CCDC192: variants seen among roughly 807,000 people sequenced by gnomAD.
CCDC192 encodes the protein coiled-coil domain containing 192, also known as coiled-coil domain-containing protein 192.
chr5:127,876,227 A>G (rs562732467), intron 6 of CCDC192, among the ~76,000 whole-genome samples: 11 of 138,470 alleles, frequency 7.9e-5, no homozygotes, highest in Non-Finnish European at 1.3e-4. Flanking sequence ...TAAACACACC[A>G]TTAGGCAACA....
chr5:127,903,933 C>T (rs1753128541), intron 6 of CCDC192, among the ~76,000 whole-genome samples: 1 of 152,120 alleles, frequency 6.6e-6, no homozygotes, highest in African/African-American at 2.4e-5. Flanking sequence ...GACCCTCCCC[C>T]AAAAGATGTC....
chr5:127,736,555 G>T (rs1376487103), intron 2 of CCDC192, among the ~76,000 whole-genome samples: 4 of 151,872 alleles, frequency 2.6e-5, no homozygotes, highest in African/African-American at 4.9e-5. Flanking sequence ...AATCCATCTG[G>T]TCCTGGACTC....
chr5:127,862,349 C>T (rs561814039), intron 5 of CCDC192, among the ~76,000 whole-genome samples: 1 of 152,336 alleles, frequency 6.6e-6, no homozygotes, highest in African/African-American at 2.4e-5. Context: ...CCAAAACATT[C>T]ATGCTGGCCT....
intron 2 of CCDC192, among the ~76,000 whole-genome samples, chr5:127,733,464 T>C (rs181852645): frequency 2.0e-5 from 3 of 152,282 alleles, no homozygotes; most frequent in African/African-American, 7.2e-5. Flanking sequence ...ATTACTGTCT[T>C]AAAGTCACAG....
At chr5:127,733,677 A>G (rs1458386856) in intron 2 of CCDC192, among the ~76,000 whole-genome samples, 1 of 152,120 alleles carries the variant, frequency 6.6e-6, no homozygotes, top group African/African-American at 2.4e-5. Flanking sequence ...CAAACCTGTT[A>G]CTGCTGCCAC....
intron 5 of CCDC192, chr5:127,838,465 AC>A (rs1365041342): frequency 6.6e-6 from 1 of 152,218 alleles, no homozygotes; most frequent in East Asian, 1.9e-4. Context: ...ACATGTATGT[AC>A]TCAGGAAATA....
At chr5:127,809,074 C>T (rs1372926942) in intron 5 of CCDC192, among the ~76,000 whole-genome samples, 1 of 152,124 alleles carries the variant, frequency 6.6e-6, no homozygotes, top group African/African-American at 2.4e-5. Flanking sequence ...CAAGGGGATA[C>T]AGCCTGTTAC....
intron 3 of CCDC192, among the ~76,000 whole-genome samples, chr5:127,781,556 A>G (rs955654991): frequency 1.7e-4 from 25 of 146,440 alleles, no homozygotes; most frequent in African/African-American, 5.7e-4. Context: ...CTCCTTGGTT[A>G]TGTATATTCC....
chr5:127,795,783 G>A (rs1757134022), intron 3 of CCDC192, among the ~76,000 whole-genome samples: 1 of 151,960 alleles, frequency 6.6e-6, no homozygotes, highest in Non-Finnish European at 1.5e-5. Context: ...TTAACCCAAA[G>A]GATAAAGACA....
intron 2 of CCDC192, among the ~76,000 whole-genome samples, chr5:127,721,733 G>A (rs1234505258): frequency 6.6e-6 from 1 of 152,206 alleles, no homozygotes; most frequent in African/African-American, 2.4e-5. Flanking sequence ...TTGGCTCATG[G>A]TTCCTCAAGC....
chr5:127,822,426 A>C (rs781309721), intron 5 of CCDC192, among the ~76,000 whole-genome samples: 2 of 152,218 alleles, frequency 1.3e-5, no homozygotes, highest in African/African-American at 4.8e-5. Context: ...AATAGACTAA[A>C]TCTCTATCCT....
At chr5:127,926,032 A>G (rs1484604268) in intron 6 of CCDC192, among the ~76,000 whole-genome samples, 2 of 113,956 alleles carry the variant, frequency 1.8e-5, no homozygotes, top group Non-Finnish European at 4.4e-5. Flanking sequence ...ATTTATAGAC[A>G]AAAAAAGGGA....
intron 3 of CCDC192, among the ~76,000 whole-genome samples, chr5:127,775,059 G>A (rs143526246): frequency 1.2e-4 from 19 of 152,222 alleles, no homozygotes; most frequent in Admixed American, 5.9e-4. Context: ...GCTCATTTCT[G>A]GTTGTATAAA....
intron 6 of CCDC192, among the ~76,000 whole-genome samples, chr5:127,931,079 A>G (rs187255030): frequency 1.3e-5 from 2 of 152,266 alleles, no homozygotes; most frequent in African/African-American, 2.4e-5. Context: ...GATTCTCAGG[A>G]GTGGGGGATT....
chr5:127,799,720 G>T (rs537742746), intron 5 of CCDC192, among the ~76,000 whole-genome samples: 3 of 152,076 alleles, frequency 2.0e-5, no homozygotes, highest in African/African-American at 4.8e-5. Context: ...AGTTACTATG[G>T]ATGCTATTCC....
intron 1 of CCDC192, among the ~76,000 whole-genome samples, chr5:127,705,046 T>C (rs936605181): frequency 6.6e-6 from 1 of 152,152 alleles, no homozygotes; most frequent in African/African-American, 2.4e-5. Context: ...TCCCTGCCAA[T>C]AGAAATTTAA....
At chr5:127,817,494 A>G (rs1229308052) in intron 5 of CCDC192, among the ~76,000 whole-genome samples, 1 of 152,236 alleles carries the variant, frequency 6.6e-6, no homozygotes, top group Non-Finnish European at 1.5e-5. Context: ...TACAACATGG[A>G]CAAACATTGA....
chr5:127,910,828 T>C (rs1447546310), intron 6 of CCDC192, among the ~76,000 whole-genome samples: 1 of 152,182 alleles, frequency 6.6e-6, no homozygotes, highest in African/African-American at 2.4e-5. Context: ...TGAGGTTGTT[T>C]AAAAGTGGCA....
intron 6 of CCDC192, among the ~76,000 whole-genome samples, chr5:127,880,010 C>T (rs1414605238): frequency 1.3e-5 from 2 of 152,104 alleles, no homozygotes; most frequent in African/African-American, 4.8e-5. Context: ...CTAGTTCAAC[C>T]ATTGTGGAAG....
Sources: allele counts gnomAD v4.1 joint callset (sites outside exome capture counted in the v4.1 genomes callset), GRCh38; gene constraint gnomAD v4.1.1; transcripts MANE v1.5; gene names NCBI Gene and HGNC (gene_info 2026-07-23, HGNC 2026-07-21).